Variants in RRP15 observed in about 807,000 individuals in gnomAD.
RRP15 encodes ribosomal RNA processing 15 homolog.
Under a neutral mutation model 27.1 loss-of-function variants are expected in RRP15, and 18 were observed. The ratio of observed to expected loss-of-function variants is 0.66; its 90% confidence interval spans 0.46 to 0.98. The LOEUF is 0.98. RRP15 is among the 50% of genes least tolerant of loss of function. RRP15 has a pLI of 0.00. For synonymous variants in RRP15, 107 were observed against 109.4 expected (o/e 0.98, Z 0.14); for missense variants, 359 against 337.8 (o/e 1.06, Z -0.49).
chr1:218,308,719 C>T (rs1655942026), intron 4 of RRP15, among the ~76,000 whole-genome samples: 1 of 152,128 alleles, frequency 6.6e-6, no homozygotes, highest in Admixed American at 6.5e-5. Flanking sequence ...TATCAAAGGG[C>T]TCAAATTGTA....
At chr1:218,319,459 A>C (rs1162909953) in intron 4 of RRP15, among the ~76,000 whole-genome samples, 3 of 152,142 alleles carry the variant, frequency 2.0e-5, no homozygotes, top group Non-Finnish European at 2.9e-5. Flanking sequence ...TAAGTTTGCA[A>C]ATGTGGCTGT....
chr1:218,294,380 A>G (rs1655689570), intron 1 of RRP15, among the ~76,000 whole-genome samples: 1 of 152,132 alleles, frequency 6.6e-6, no homozygotes, highest in African/African-American at 2.4e-5. Context: ...CTAAATCCAG[A>G]CCTCTGGAAC....
At chr1:218,327,630 T>G (rs1656295144) in intron 4 of RRP15, among the ~76,000 whole-genome samples, 1 of 152,170 alleles carries the variant, frequency 6.6e-6, no homozygotes, top group African/African-American at 2.4e-5. Flanking sequence ...TGAGCTGCCA[T>G]CTTGACAGAT....
intron 4 of RRP15, among the ~76,000 whole-genome samples, chr1:218,316,090 G>A (rs1558209432): frequency 6.6e-6 from 1 of 152,086 alleles, no homozygotes; most frequent in East Asian, 1.9e-4. Flanking sequence ...TTTCATGTAG[G>A]GTGGTTTCTG....
intron 4 of RRP15, among the ~76,000 whole-genome samples, chr1:218,320,568 G>A (rs753084894): frequency 6.6e-6 from 1 of 152,084 alleles, no homozygotes; most frequent in Non-Finnish European, 1.5e-5. Context: ...CTAAATGTAT[G>A]GATAACAAGA....
chr1:218,323,875 TGGGAGCG>T, intron 4 of RRP15, among the ~76,000 whole-genome samples: 1 of 152,238 alleles, frequency 6.6e-6, no homozygotes, highest in South Asian at 2.1e-4. Flanking sequence ...GAGCGGGCAC[TGGGAGCG>T]GGGAGAAACC....
Position 218,331,651 on chromosome 1 carries a change from C to CTTTTTTTT in RRP15, c.*592_*599dup, listed in dbSNP as rs34150523. On this transcript the variant is annotated 3_prime_UTR_variant, in exon 5 of 5. Coordinates refer to ENST00000366932, the MANE Select transcript of RRP15 (RefSeq NM_016052.4). ...TGATTTAAGAAACAACAGATTTCAACTTTTTTTTTTTTTTTTTTTTTTTTT... is the reference window on the plus strand; with the variant it reads ...TGATTTAAGAAACAACAGATTTCAACTTTTTTTTTTTTTTTTTTTTTTTTTTTTTTTTT... 5.0e-4 allele frequency: 18 copies of CTTTTTTTT among 35,650 alleles called. 5 individuals carry two copies. The highest frequency in any genetic ancestry group is 2.3e-3 in the East Asian group (2 of 886). The allele number at this position is 35,650 out of a possible 1,614,324, so 2.2% of individuals were successfully genotyped here. A position where few individuals can be genotyped will look rare whatever the true frequency, so the allele number is the denominator to read the frequency against.
intron 4 of RRP15, among the ~76,000 whole-genome samples, chr1:218,325,334 A>T (rs941232127): frequency 6.6e-6 from 1 of 151,940 alleles, no homozygotes; most frequent in Non-Finnish European, 1.5e-5. Flanking sequence ...TCTCTATCCC[A>T]TGTTTTCTTC....
rs1267254416 is a variant in RRP15, at chr1:218,302,578, C to G, written c.405+19C>G. On this transcript the variant is annotated intron_variant, in intron 2 of 4. Transcript: ENST00000366932. ...AAAACAGGTATGTTCCACCAGTTCT[C>G]TTGTAGATTAGATTGTTTGTCTAGG... 6.2e-7 allele frequency: 1 copy of G among 1,604,498 alleles called. No homozygotes were observed. The highest frequency in any genetic ancestry group is 8.5e-7 in the Non-Finnish European group (1 of 1,176,572).
At chr1:218,300,833 C>T (rs1655799993) in intron 1 of RRP15, among the ~76,000 whole-genome samples, 1 of 152,188 alleles carries the variant, frequency 6.6e-6, no homozygotes, top group Non-Finnish European at 1.5e-5. Flanking sequence ...AGAGCAGCCT[C>T]ACTGAAATGC....
intron 3 of RRP15, 49 bp downstream of exon 3, chr1:218,305,174 A>G (rs1356739609): frequency 5.7e-6 from 8 of 1,396,220 alleles, no homozygotes; most frequent in Admixed American, 5.2e-5. Flanking sequence ...TAAAGCTATC[A>G]TAGTGGTTCT....
At chr1:218,302,800 A>G in intron 2 of RRP15, 1 of 434,226 alleles carries the variant, frequency 2.3e-6, no homozygotes, top group Non-Finnish European at 3.9e-6. Flanking sequence ...CTGAGGAAAC[A>G]TCTTTTTAAA....
chr1:218,288,955 AC>A (rs770928786), intron 1 of RRP15, among the ~76,000 whole-genome samples: 1 of 152,204 alleles, frequency 6.6e-6, no homozygotes, highest in Non-Finnish European at 1.5e-5. Context: ...CTGTGATGGT[AC>A]TACCTTTCAG....
chr1:218,320,006 A>G (rs976669893), intron 4 of RRP15, among the ~76,000 whole-genome samples: 47 of 149,098 alleles, frequency 3.2e-4, no homozygotes, highest in Non-Finnish European at 6.2e-4. Flanking sequence ...TTGACTTTTC[A>G]GGTACCTTAG....
chr1:218,307,048 A>C (rs1420715831), intron 3 of RRP15, among the ~76,000 whole-genome samples: 3 of 152,224 alleles, frequency 2.0e-5, no homozygotes, highest in Non-Finnish European at 2.9e-5. Flanking sequence ...AGTATTTTTT[A>C]AAGTAGGATT....
At chr1:218,315,635 T>A (rs949608712) in intron 4 of RRP15, among the ~76,000 whole-genome samples, 5 of 150,900 alleles carry the variant, frequency 3.3e-5, no homozygotes, top group Non-Finnish European at 5.9e-5. Flanking sequence ...GTATTTTTAG[T>A]AGAGATGGGG....
chr1:218,308,326 C>A (rs1384324679), intron 4 of RRP15, among the ~76,000 whole-genome samples: 2 of 151,916 alleles, frequency 1.3e-5, no homozygotes, highest in Non-Finnish European at 2.9e-5. Flanking sequence ...CTCGCCTCGG[C>A]CTTCCAAAGT....
In RRP15 at chr1:218,337,423, A is replaced by C. The variant is rs1330103100; in HGVS notation, c.*6332A>C. On this transcript the variant is annotated 3_prime_UTR_variant, in exon 5 of 5. Coordinates refer to ENST00000366932, the MANE Select transcript of RRP15 (RefSeq NM_016052.4). ...TATAGAATTGTTTTTAATAGCAAGAAATTTTTTAAAACTTACAAGTTCAGT... is the reference window on the plus strand; with the variant it reads ...TATAGAATTGTTTTTAATAGCAAGACATTTTTTAAAACTTACAAGTTCAGT... The C allele has an allele frequency of 6.6e-6, 1 of 152,210 alleles. No homozygotes were observed. Among genetic ancestry groups the C allele is most frequent in the Non-Finnish European group, 1.5e-5 (1 of 68,046 alleles). The allele number at this position is 152,210 out of a possible 1,614,324, so 9.4% of individuals were successfully genotyped here.
chr1:218,295,823 T>G (rs1655709672), intron 1 of RRP15, among the ~76,000 whole-genome samples: 1 of 152,228 alleles, frequency 6.6e-6, no homozygotes, highest in South Asian at 2.1e-4. Flanking sequence ...TGTAATCACA[T>G]CTGAAAGTGT....
Sources: gnomAD v4.1 joint callset for allele counts (sites outside exome capture counted in the v4.1 genomes callset) on GRCh38, gnomAD v4.1.1 for gene constraint, MANE v1.5 for transcripts, NCBI Gene and HGNC (gene_info 2026-07-23, HGNC 2026-07-21) for gene names.